The following DCUN1D4 variants were observed in gnomAD, a reference collection of about 807,000 sequenced individuals.
DCUN1D4 encodes DCN1-like protein 4.
Under a neutral mutation model 47.9 loss-of-function variants are expected in DCUN1D4, and 22 were observed. The ratio of observed to expected loss-of-function variants is 0.46; its 90% confidence interval spans 0.33 to 0.66. The LOEUF is 0.66. Ranked by LOEUF, DCUN1D4 falls within the 30% of genes least tolerant of loss-of-function variation. DCUN1D4 has a pLI of 0.02. For missense variants in DCUN1D4, 301 were observed against 340.8 expected (o/e 0.88, Z 0.92); for synonymous variants, 121 against 112.2 (o/e 1.08, Z -0.50).
Position 51,874,338 on chromosome 4 carries a change from A to G in DCUN1D4, c.204A>G (p.Arg68=). 4 of 1,613,352 alleles carry G rather than the reference A, an allele frequency of 2.5e-6. No homozygotes were observed. Among genetic ancestry groups the G allele is most frequent in the East Asian group, 2.2e-5 (1 of 44,834 alleles). Residue 68 remains arginine (R), a synonymous_variant, in exon 4 of 11, where the codon AGA becomes AGG. Transcript: ENST00000334635. ...TGATGCCACCAAGGAAAAAGAGAAG[A>G]CCTGCCTCTGGAGATGATTTATCTG... ...NKVMPPRKKR[R]PASGDDLSAK...
the DCUN1D4 span, among the ~76,000 whole-genome samples, chr4:51,834,104 T>TTTTTTTTTC: frequency 1.4e-4 from 16 of 115,472 alleles, 2 homozygotes; most frequent in African/African-American, 4.6e-4. Flanking sequence ...TTCTTCTTTC[T>TTTTTTTTTC]TTTTTTTTTC....
chr4:51,862,290 A>G (rs1725193471), intron 1 of DCUN1D4, among the ~76,000 whole-genome samples: 1 of 152,240 alleles, frequency 6.6e-6, no homozygotes, highest in Non-Finnish European at 1.5e-5. Flanking sequence ...TGCCCTGCAG[A>G]CCTACTCAGA....
intron 8 of DCUN1D4, among the ~76,000 whole-genome samples, chr4:51,904,751 C>A (rs1028780540): frequency 6.6e-6 from 1 of 152,106 alleles, no homozygotes; most frequent in Non-Finnish European, 1.5e-5. Flanking sequence ...GGAAATCTTA[C>A]CTGTTAGCCT....
upstream of DCUN1D4, among the ~76,000 whole-genome samples, chr4:51,838,536 C>T (rs904281435): frequency 6.6e-6 from 1 of 152,182 alleles, no homozygotes; most frequent in Non-Finnish European, 1.5e-5. Flanking sequence ...CAGCTGCCAC[C>T]ACACCCAGAT....
Position 51,888,561 on chromosome 4 carries a change from C to T in DCUN1D4, c.414+1923C>T, listed in dbSNP as rs544947234. Reference sequence around the variant, plus strand: ...TTCGAGACCAGCCTGGCCAATAAGGCGAAACCCCGTCTCTATTAAAAATAC... The same window carrying T: ...TTCGAGACCAGCCTGGCCAATAAGGTGAAACCCCGTCTCTATTAAAAATAC... On this transcript the variant is annotated intron_variant, in intron 6 of 10. Transcript: ENST00000334635. Among the ~76,000 whole-genome samples the T allele has an allele frequency of 3.3e-3, 490 of 150,692 alleles. 1 individual carries two copies. The highest frequency in any genetic ancestry group is 5.6e-3 in the Non-Finnish European group (379 of 67,724).
upstream of DCUN1D4, chr4:51,842,979 C>T: frequency 2.5e-6 from 3 of 1,177,524 alleles, no homozygotes; most frequent in Non-Finnish European, 3.3e-6. Context: ...AGACAAGGCC[C>T]CAGGACCAAT....
chr4:51,843,199 A>G lies in DCUN1D4; in HGVS notation c.-44A>G. 1 of 1,537,704 alleles carries G rather than the reference A, an allele frequency of 6.5e-7. No individual in the cohort carries two copies. On this transcript the variant is annotated 5_prime_UTR_variant, in exon 1 of 11. Coordinates refer to ENST00000334635, the MANE Select transcript of DCUN1D4 (RefSeq NM_001040402.3). ...GAGCTGGTGGGGGGACCGCGAGGCG[A>G]GCGCGGGAGCCTGGGCGGCGAGCCG...
intron 5 of DCUN1D4, among the ~76,000 whole-genome samples, chr4:51,883,270 TGC>T (rs1728966739): frequency 2.0e-5 from 3 of 152,310 alleles, no homozygotes; most frequent in Admixed American, 1.3e-4. Context: ...TTTGCCCATA[TGC>T]AGCAAAAAGG....
At chr4:51,857,971 G>A (rs1288029059) in intron 1 of DCUN1D4, among the ~76,000 whole-genome samples, 1 of 152,176 alleles carries the variant, frequency 6.6e-6, no homozygotes, top group East Asian at 1.9e-4. Flanking sequence ...GGCCCTTGTG[G>A]AGCTTACATT....
intron 5 of DCUN1D4, among the ~76,000 whole-genome samples, chr4:51,883,521 A>G (rs552261906): frequency 6.6e-5 from 10 of 152,362 alleles, no homozygotes; most frequent in African/African-American, 1.9e-4. Context: ...ATTTGAGTCA[A>G]GAATGAGATA....
At chr4:51,862,471 T>A (rs144604093) in intron 1 of DCUN1D4, among the ~76,000 whole-genome samples, 1 of 152,206 alleles carries the variant, frequency 6.6e-6, no homozygotes, top group Non-Finnish European at 1.5e-5. Flanking sequence ...CTGATACGTG[T>A]CCTAAATAAA....
At chr4:51,883,625 T>C (rs918951489) in intron 5 of DCUN1D4, among the ~76,000 whole-genome samples, 4 of 152,134 alleles carry the variant, frequency 2.6e-5, no homozygotes, top group Admixed American at 6.6e-5. Context: ...AGTGTAAATA[T>C]TGGAAAGGAG....
chr4:51,888,466 C>A (rs1729875081), intron 6 of DCUN1D4, among the ~76,000 whole-genome samples: 7 of 152,176 alleles, frequency 4.6e-5, no homozygotes, highest in Admixed American at 3.3e-4. Context: ...TCTGGCCTGG[C>A]ATGATGGCTC....
At position 51,863,655 on chromosome 4, in the gene DCUN1D4, A is replaced by T; in HGVS notation, c.97-15A>T. On this transcript the variant is annotated splice_polypyrimidine_tract_variant and intron_variant, in intron 2 of 10. Transcript: ENST00000334635. ...GTATGTGATTTCTTCGTAATAACGA[A>T]CATATTTCTTTCAGAACCTAACAGA... is the stretch of plus-strand genomic sequence containing the variant. The T allele has an allele frequency of 6.2e-7, 1 of 1,613,092 alleles. No homozygotes were observed. The highest frequency in any genetic ancestry group is 8.5e-7 in the Non-Finnish European group (1 of 1,179,696).
chr4:51,872,885 C>T (rs539723423), intron 3 of DCUN1D4, among the ~76,000 whole-genome samples: 1 of 152,340 alleles, frequency 6.6e-6, no homozygotes, highest in African/African-American at 2.4e-5. Context: ...AGTGCGCATG[C>T]CTCCTTCCGT....
intron 4 of DCUN1D4, among the ~76,000 whole-genome samples, chr4:51,876,333 C>A (rs570424011): frequency 6.6e-6 from 1 of 151,784 alleles, no homozygotes; most frequent in African/African-American, 2.4e-5. Context: ...AACCAAACAC[C>A]GCATGTTCTC....
At chr4:51,911,254 T>G in intron 9 of DCUN1D4, 80 bp downstream of exon 9, 1 of 1,355,994 alleles carries the variant, frequency 7.4e-7, no homozygotes, top group African/African-American at 1.5e-5. Flanking sequence ...TTGTATGTAA[T>G]TTTTTGTTTG....
chr4:51,892,919 T>G (rs1730660334), intron 7 of DCUN1D4, among the ~76,000 whole-genome samples: 2 of 152,264 alleles, frequency 1.3e-5, no homozygotes, highest in South Asian at 4.1e-4. Context: ...ATGGTTTTAT[T>G]TAAATAATTT....
chr4:51,901,570 T>C (rs577113765), intron 8 of DCUN1D4, among the ~76,000 whole-genome samples: 2 of 152,154 alleles, frequency 1.3e-5, no homozygotes, highest in Non-Finnish European at 2.9e-5. Flanking sequence ...ATTAGCACAG[T>C]TGTACCCATC....
Sources: allele counts gnomAD v4.1 joint callset (sites outside exome capture counted in the v4.1 genomes callset), GRCh38; gene constraint gnomAD v4.1.1; transcripts MANE v1.5; gene names NCBI Gene and HGNC (gene_info 2026-07-23, HGNC 2026-07-21).